The following AHNAK variants were observed in gnomAD, a reference collection of about 807,000 sequenced individuals.
AHNAK encodes neuroblast differentiation-associated protein AHNAK.
A neutral mutation model predicts 37.8 loss-of-function variants in AHNAK; 23 were observed. That is an observed-to-expected ratio of 0.61 (90% CI 0.44 to 0.86). The LOEUF (loss-of-function observed/expected upper bound fraction) is 0.86. AHNAK is among the 40% of genes least tolerant of loss of function. AHNAK has a pLI of 0.00. For synonymous variants in AHNAK, 2,481 were observed against 2,636.3 expected (o/e 0.94, Z 1.80); for missense variants, 7,411 against 7,319.4 (o/e 1.01, Z -0.46).
chr11:62,473,731 T>A (rs1171215647), intron 5 of AHNAK, among the ~76,000 whole-genome samples: 2 of 151,146 alleles, frequency 1.3e-5, no homozygotes, highest in African/African-American at 4.9e-5. Context: ...CAGGCTCAGG[T>A]CACGCTATAA....
Position 62,529,098 on chromosome 11 carries a change from C to T in AHNAK, c.5319G>A (p.Lys1773=), listed in dbSNP as rs772484936. The change falls in exon 5 of 5, where the codon AAG becomes AAA. Residue 1773 remains lysine (K), a synonymous_variant. Transcript: ENST00000378024. ...KLKGSKFKMP[K]LNIKAPKVSM... is the part of the protein sequence containing the mutation. ...AGACCTTGGGAGCTTTTATATTCAA[C>T]TTGGGCATCTTAAATTTGGAGCCTT... 27 of 1,613,964 alleles carry T rather than the reference C, an allele frequency of 1.7e-5. No individual in the cohort carries two copies. Among genetic ancestry groups the T allele is most frequent in the Non-Finnish European group, 2.3e-5 (27 of 1,180,026 alleles).
chr11:62,525,383 C>A lies in AHNAK; in HGVS notation c.9034G>T (p.Gly3012Cys). 1 of 1,611,042 alleles carries A rather than the reference C, an allele frequency of 6.2e-7. No homozygotes were observed. Among genetic ancestry groups the A allele is most frequent in the Non-Finnish European group, 8.5e-7 (1 of 1,179,160 alleles). The change falls in exon 5 of 5, where the codon GGC becomes TGC. Residue 3012 changes from glycine to cysteine, a missense_variant. Physicochemically the swap from Gly to Cys is radical, Grantham distance 159. Coordinates refer to ENST00000378024, the MANE Select transcript of AHNAK (RefSeq NM_001620.3). ...PQVDIDVPDV[G>C]VQGPDWHLKM... ...AGGTGCCAGTCTGGGCCTTGAACGC[C>A]CACATCCGGGACATCAATGTCCACT... is the stretch of plus-strand genomic sequence containing the variant.
intron 5 of AHNAK, among the ~76,000 whole-genome samples, chr11:62,446,563 C>T (rs1938426291): frequency 1.3e-5 from 2 of 152,104 alleles, no homozygotes; most frequent in Non-Finnish European, 1.5e-5. Context: ...AACAAAGATG[C>T]AGGAGAGGTG....
At chr11:62,493,093 C>T (rs1317265722) in intron 4 of AHNAK, among the ~76,000 whole-genome samples, 1 of 148,994 alleles carries the variant, frequency 6.7e-6, no homozygotes, top group African/African-American at 2.5e-5. Flanking sequence ...CTCACCACAA[C>T]CTCCAGCCTC....
chr11:62,452,093 T>A (rs1938551695), intron 5 of AHNAK, among the ~76,000 whole-genome samples: 1 of 152,120 alleles, frequency 6.6e-6, no homozygotes, highest in Non-Finnish European at 1.5e-5. Context: ...ATTACAGGCG[T>A]GAGCCACCGC....
chr11:62,529,450 G>C lies in AHNAK; in HGVS notation c.4967C>G (p.Pro1656Arg). The C allele has an allele frequency of 1.2e-6, 2 of 1,613,932 alleles. No individual in the cohort carries two copies. Among genetic ancestry groups the C allele is most frequent in the Non-Finnish European group, 1.7e-6 (2 of 1,180,002 alleles). ...MHFKAPKISM[P>R]DVDLHLKGPK... ...GCCTTTCAAGTGTAAGTCCACATCG[G>C]GCATGGAGATCTTGGGGGCCTTGAA... The change falls in exon 5 of 5, where the codon CCC (proline) becomes CGC (arginine). Residue 1656 changes from proline to arginine, a missense_variant. Physicochemically the swap from Pro to Arg is moderately radical, Grantham distance 103. Coordinates refer to ENST00000378024, the MANE Select transcript of AHNAK (RefSeq NM_001620.3).
chr11:62,448,923 C>T (rs1301401654), intron 5 of AHNAK, among the ~76,000 whole-genome samples: 1 of 152,018 alleles, frequency 6.6e-6, no homozygotes, highest in Non-Finnish European at 1.5e-5. Flanking sequence ...CAAAAATTAG[C>T]CAGGCGTGGT....
At chr11:62,493,036 G>C (rs1163412697) in intron 4 of AHNAK, among the ~76,000 whole-genome samples, 7 of 127,222 alleles carry the variant, frequency 5.5e-5, no homozygotes, top group African/African-American at 1.0e-4. Context: ...TTTTGAGACA[G>C]AGTCTCACTG....
chr11:62,544,936 G>A (rs1263035793), intron 1 of AHNAK, among the ~76,000 whole-genome samples: 4 of 152,186 alleles, frequency 2.6e-5, no homozygotes, highest in Non-Finnish European at 5.9e-5. Flanking sequence ...GGCTGTGCTG[G>A]GACGGGCAAG....
chr11:62,438,857 T>C (rs3017104), intron 5 of AHNAK, among the ~76,000 whole-genome samples: 12,540 of 152,110 alleles, frequency 0.082, 1,678 homozygotes, highest in African/African-American at 0.29. Context: ...AAAGGTCTCA[T>C]AGAAAAACTA....
intron 5 of AHNAK, among the ~76,000 whole-genome samples, chr11:62,488,652 T>TC (rs1371548605): frequency 6.6e-6 from 1 of 150,730 alleles, no homozygotes; most frequent in Non-Finnish European, 1.5e-5. Context: ...CCTCAGGTGA[T>TC]CCACCCACCT....
Position 62,520,798 on chromosome 11 carries a change from G to T in AHNAK, c.13619C>A (p.Ser4540Tyr). ...GPKIKGDMDI[S>Y]VPKLEGDLKG... ...CAGATCTCCCTCCAGTTTAGGAACG[G>T]AAATGTCCATATCTCCTTTTATCTT... Residue 4540 changes from serine to tyrosine, a missense_variant, in exon 5 of 5, where the codon TCC becomes TAC. Transcript: ENST00000378024. 1 of 1,614,102 alleles carries T rather than the reference G, an allele frequency of 6.2e-7. No homozygotes were observed.
chr11:62,485,273 A>G (rs1487815470), intron 5 of AHNAK, among the ~76,000 whole-genome samples: 1 of 152,108 alleles, frequency 6.6e-6, no homozygotes, highest in East Asian at 1.9e-4. Flanking sequence ...ATGGTGATGC[A>G]TGCCTGTACT....
downstream of AHNAK, among the ~76,000 whole-genome samples, chr11:62,513,965 G>A (rs1939960778): frequency 6.6e-6 from 1 of 152,054 alleles, no homozygotes; most frequent in Non-Finnish European, 1.5e-5. Flanking sequence ...TCACTCTGTG[G>A]AGATCCTCAG....
intron 4 of AHNAK, among the ~76,000 whole-genome samples, chr11:62,508,753 C>G (rs1156546993): frequency 6.6e-6 from 1 of 152,252 alleles, no homozygotes; most frequent in African/African-American, 2.4e-5. Flanking sequence ...CAGCACATGG[C>G]ATTCCCGGCC....
intron 5 of AHNAK, among the ~76,000 whole-genome samples, chr11:62,464,187 CCTGCTAAT>C (rs964287443): frequency 5.5e-4 from 84 of 151,824 alleles, no homozygotes; most frequent in African/African-American, 2.0e-3. Context: ...GCCACCATAC[CCTGCTAAT>C]CTGCTAATCT....
At chr11:62,506,494 A>T (rs1939814363) in intron 4 of AHNAK, among the ~76,000 whole-genome samples, 1 of 151,890 alleles carries the variant, frequency 6.6e-6, no homozygotes, top group African/African-American at 2.4e-5. Context: ...GGCAGGAGCA[A>T]CTTTGTTCCA....
intron 5 of AHNAK, among the ~76,000 whole-genome samples, chr11:62,463,338 T>G (rs1938832816): frequency 6.6e-6 from 1 of 152,118 alleles, no homozygotes; most frequent in African/African-American, 2.4e-5. Context: ...CTGGCGTCAC[T>G]TTAAATTTGT....
chr11:62,535,824 C>T lies in AHNAK; in HGVS notation c.154+121G>A, dbSNP rs892487526. On this transcript the variant is annotated intron_variant, in intron 3 of 4. Transcript: ENST00000378024. The stretch of plus-strand genomic sequence containing the variant: ...GGCTTGGGTACCAACCACCCTGATG[C>T]CACTGGGAATGGGCCCTCGACAGCC... 5.3e-6 allele frequency: 7 copies of T among 1,325,122 alleles called. No homozygotes were observed. In the African/African-American group the frequency reaches 6.0e-5, roughly 11 times the overall value. The allele number at this position is 1,325,122 out of a possible 1,614,324, so 82.1% of individuals were successfully genotyped here.
Sources: allele counts gnomAD v4.1 joint callset (sites outside exome capture counted in the v4.1 genomes callset), GRCh38; gene constraint gnomAD v4.1.1; transcripts MANE v1.5; gene names NCBI Gene and HGNC (gene_info 2026-07-23, HGNC 2026-07-21).